SLC14A2: variants seen among roughly 807,000 people sequenced by gnomAD.
The protein encoded by SLC14A2 is urea transporter 2.
In SLC14A2, 91 loss-of-function variants were observed where a neutral mutation model predicts 104.6. The ratio of observed to expected loss-of-function variants is 0.87; its 90% CI spans 0.73 to 1.04. The LOEUF is 1.04. SLC14A2 is among the 50% of genes least tolerant of loss of function. The probability of loss-of-function intolerance (pLI) is 0.00; values close to 1 mark genes in which losing one functional copy is unlikely to be tolerated. For synonymous variants in SLC14A2, 476 were observed against 466.4 expected (o/e 1.02, Z -0.27); for missense variants, 1,189 against 1,156.0 (o/e 1.03, Z -0.41).
intron 1 of SLC14A2, among the ~76,000 whole-genome samples, chr18:45,431,767 A>C (rs1387990987): frequency 6.6e-6 from 1 of 152,060 alleles, no homozygotes; most frequent in Non-Finnish European, 1.5e-5. Context: ...TGACCATTTC[A>C]CTCCTCTTTG....
intron 18 of SLC14A2, 21 bp from the exon 19 acceptor site, chr18:45,678,954 C>CTT (rs72437878): frequency 0.049 from 69,330 of 1,414,310 alleles, 292 homozygotes; most frequent in Admixed American, 0.057. Flanking sequence ...CTATTTCTTT[C>CTT]TTTTTTTTTT....
intron 2 of SLC14A2, among the ~76,000 whole-genome samples, chr18:45,519,821 G>A (rs931966456): frequency 6.6e-6 from 1 of 152,170 alleles, no homozygotes; most frequent in African/African-American, 2.4e-5. Context: ...AGCCCTTTGT[G>A]AGATCGCTCT....
chr18:45,232,008 G>T (rs1390849177), intron 1 of SLC14A2, among the ~76,000 whole-genome samples: 1 of 151,770 alleles, frequency 6.6e-6, no homozygotes, highest in East Asian at 1.9e-4. Flanking sequence ...CAAGCTAAAG[G>T]ATTTCAACTA....
intron 1 of SLC14A2, among the ~76,000 whole-genome samples, chr18:45,470,302 C>T (rs754776590): frequency 6.6e-6 from 1 of 152,094 alleles, no homozygotes; most frequent in African/African-American, 2.4e-5. Context: ...TGCTTGCTTG[C>T]CTTTTTCCTT....
chr18:45,390,684 A>C (rs921127461), intron 1 of SLC14A2, among the ~76,000 whole-genome samples: 14 of 152,114 alleles, frequency 9.2e-5, no homozygotes, highest in South Asian at 2.1e-4. Flanking sequence ...TTCAGATGGG[A>C]TGGTCAGGTC....
intron 2 of SLC14A2, among the ~76,000 whole-genome samples, chr18:45,496,698 G>T (rs1422012965): frequency 1.3e-5 from 2 of 152,192 alleles, no homozygotes; most frequent in Admixed American, 6.5e-5. Context: ...CAGGAGAACT[G>T]CTTGAACCCA....
intron 2 of SLC14A2, among the ~76,000 whole-genome samples, chr18:45,530,304 T>C (rs1254151810): frequency 6.6e-6 from 1 of 152,168 alleles, no homozygotes; most frequent in Middle Eastern, 3.2e-3. Flanking sequence ...AGAGATTATT[T>C]CCTCCTTACT....
chr18:45,530,686 G>A (rs935804041), intron 2 of SLC14A2, among the ~76,000 whole-genome samples: 1 of 151,740 alleles, frequency 6.6e-6, no homozygotes, highest in African/African-American at 2.4e-5. Context: ...AATTCTGTCT[G>A]CCACCTTTTC....
At chr18:45,348,833 A>G (rs2085474495) in intron 1 of SLC14A2, among the ~76,000 whole-genome samples, 1 of 152,224 alleles carries the variant, frequency 6.6e-6, no homozygotes, top group African/African-American at 2.4e-5. Context: ...ATCAAGCTCA[A>G]GCATCTGTTT....
the SLC14A2 span, among the ~76,000 whole-genome samples, chr18:45,207,573 TG>T: frequency 6.6e-6 from 1 of 152,104 alleles, no homozygotes; most frequent in African/African-American, 2.4e-5. Context: ...GAATCTAAAA[TG>T]GAAATTTCAG....
chr18:45,442,903 T>C (rs1568206526), intron 1 of SLC14A2, among the ~76,000 whole-genome samples: 2 of 152,180 alleles, frequency 1.3e-5, no homozygotes, highest in Non-Finnish European at 2.9e-5. Flanking sequence ...TTGCCCAGGA[T>C]GTGTCTGTGC....
the SLC14A2 span, among the ~76,000 whole-genome samples, chr18:45,207,308 G>A: frequency 6.8e-6 from 1 of 147,330 alleles, no homozygotes; most frequent in Admixed American, 7.0e-5. Flanking sequence ...AGGGAGAGAA[G>A]GAAGGAAGGG....
chr18:45,679,113 T>C, intron 19 of SLC14A2, 89 bp downstream of exon 19: 1 of 1,198,688 alleles, frequency 8.3e-7, no homozygotes, highest in Non-Finnish European at 1.2e-6. Flanking sequence ...CTCTCTCCTC[T>C]AAGAACTCTT....
rs557070622 is a variant in SLC14A2 at position 45,484,543 on chromosome 18, G to A, written c.-35+1221G>A. Among the ~76,000 whole-genome samples, 4 of 152,274 alleles carry A rather than the reference G, an allele frequency of 2.6e-5. 1 individual carries two copies. Among genetic ancestry groups the A allele is most frequent in the African/African-American group, 7.2e-5 (3 of 41,570 alleles). Reference sequence around the variant, plus strand: ...ATGGTCAATTGTTCTTCCCTATATGGAGGAACTTCTAATGCCAGCTATATC... The same window carrying A: ...ATGGTCAATTGTTCTTCCCTATATGAAGGAACTTCTAATGCCAGCTATATC... On this transcript the variant is annotated intron_variant, in intron 2 of 20. Transcript: ENST00000586448.
intron 2 of SLC14A2, among the ~76,000 whole-genome samples, chr18:45,551,382 T>C (rs1012984390): frequency 2.0e-5 from 3 of 152,178 alleles, no homozygotes; most frequent in African/African-American, 7.2e-5. Flanking sequence ...AAAGCTGCAG[T>C]GTGATGCTCA....
intron 3 of SLC14A2, 59 bp downstream of exon 3, chr18:45,625,922 C>T (rs1242565357): frequency 1.5e-6 from 2 of 1,291,092 alleles, no homozygotes; most frequent in East Asian, 5.7e-5. Flanking sequence ...AGACAACCCT[C>T]TCTCCGGTTT....
At chr18:45,628,000 C>G (rs1445714243) in intron 4 of SLC14A2, among the ~76,000 whole-genome samples, 2 of 83,644 alleles carry the variant, frequency 2.4e-5, no homozygotes, top group Admixed American at 2.5e-4. Context: ...AAGACTTTCT[C>G]AAAAAAAAAA....
At chr18:45,320,597 G>T (rs1047839384) in intron 1 of SLC14A2, among the ~76,000 whole-genome samples, 1 of 152,140 alleles carries the variant, frequency 6.6e-6, no homozygotes, top group African/African-American at 2.4e-5. Flanking sequence ...CTGGTGCCAG[G>T]TTTTTTGAGC....
chr18:45,414,229 G>A (rs2086244663), intron 1 of SLC14A2, among the ~76,000 whole-genome samples: 2 of 152,182 alleles, frequency 1.3e-5, no homozygotes, highest in Non-Finnish European at 2.9e-5. Context: ...TCCAGGCATG[G>A]ATGTCAAGCC....
Sources: gnomAD v4.1 joint callset for allele counts (sites outside exome capture counted in the v4.1 genomes callset) on GRCh38, gnomAD v4.1.1 for gene constraint, MANE v1.5 for transcripts, NCBI Gene and HGNC (gene_info 2026-07-23, HGNC 2026-07-21) for gene names.